The following NEGR1 variants were observed in gnomAD, a reference collection of about 807,000 sequenced individuals.
NEGR1 encodes the protein IgLON family member 4.
In NEGR1, 10 loss-of-function variants were observed where a neutral mutation model predicts 40.9. That is an observed-to-expected ratio of 0.24 (90% CI 0.15 to 0.42). The LOEUF (loss-of-function observed/expected upper bound fraction) is 0.42, where lower values mean the gene tolerates loss of function less well. Among genes scored for constraint, NEGR1 ranks in the 10% least tolerant of loss-of-function variants. NEGR1 has a pLI of 1.00. For missense variants in NEGR1, 352 were observed against 438.9 expected (o/e 0.80, Z 1.77); for synonymous variants, 185 against 166.8 (o/e 1.11, Z -0.84).
chr1:71,709,139 T>C (rs1341327667), intron 3 of NEGR1, among the ~76,000 whole-genome samples: 1 of 152,164 alleles, frequency 6.6e-6, no homozygotes, highest in African/African-American at 2.4e-5. Context: ...GTCAAATGTA[T>C]TTCTGGTTCT....
chr1:71,838,279 C>T (rs1659113561), intron 2 of NEGR1, among the ~76,000 whole-genome samples: 1 of 152,110 alleles, frequency 6.6e-6, no homozygotes, highest in Non-Finnish European at 1.5e-5. Context: ...TGCCACATGG[C>T]TCAAATGCAG....
At chr1:71,515,672 A>C (rs1647117221) in intron 6 of NEGR1, among the ~76,000 whole-genome samples, 1 of 128,944 alleles carries the variant, frequency 7.8e-6, no homozygotes, top group South Asian at 2.8e-4. Context: ...TGAACTAATG[A>C]GCAAAATAAC....
chr1:71,918,690 A>C (rs1661674610), intron 2 of NEGR1, among the ~76,000 whole-genome samples: 1 of 152,116 alleles, frequency 6.6e-6, no homozygotes, highest in South Asian at 2.1e-4. Flanking sequence ...TGCCAAAAAA[A>C]AAAAAATCGA....
chr1:71,805,131 T>C (rs1039192575), intron 2 of NEGR1, among the ~76,000 whole-genome samples: 7 of 152,134 alleles, frequency 4.6e-5, no homozygotes, highest in Non-Finnish European at 8.8e-5. Context: ...TAAATTTTGG[T>C]CAGACCAGTT....
chr1:71,807,784 A>G lies in NEGR1; in HGVS notation c.410-31487T>C, dbSNP rs746371529. On this transcript the variant is annotated intron_variant, in intron 2 of 6. Coordinates refer to ENST00000357731, the MANE Select transcript of NEGR1 (RefSeq NM_173808.3). ...CTACCTGAGTAACTTGCACACTACA[A>G]AAGCTCATCTGCAACTGAGAGGGAA... Among the ~76,000 whole-genome samples, 81 of 152,282 alleles carry G rather than the reference A, an allele frequency of 5.3e-4. 1 individual carries two copies. Among genetic ancestry groups the G allele is most frequent in the Middle Eastern group, 3.4e-3 (1 of 294 alleles).
intron 2 of NEGR1, among the ~76,000 whole-genome samples, chr1:71,793,429 A>G (rs912117330): frequency 3.3e-5 from 5 of 149,358 alleles, no homozygotes; most frequent in African/African-American, 1.2e-4. Context: ...TATCAGCAAC[A>G]AATAAATAAC....
intron 6 of NEGR1, among the ~76,000 whole-genome samples, chr1:71,583,797 T>A (rs539409851): frequency 6.6e-6 from 1 of 152,280 alleles, no homozygotes; most frequent in Admixed American, 6.5e-5. Flanking sequence ...TCATTCTAAG[T>A]GGACTGATTA....
intron 1 of NEGR1, among the ~76,000 whole-genome samples, chr1:72,258,572 A>C (rs1655353134): frequency 6.6e-6 from 1 of 152,192 alleles, no homozygotes; most frequent in African/African-American, 2.4e-5. Context: ...TTAGAAAATA[A>C]AATTAGCTAG....
chr1:71,920,149 G>A (rs1645697525), intron 2 of NEGR1, among the ~76,000 whole-genome samples: 1 of 152,148 alleles, frequency 6.6e-6, no homozygotes, highest in African/African-American at 2.4e-5. Flanking sequence ...CCGAGGAGCT[G>A]TACATTTGAG....
intron 1 of NEGR1, among the ~76,000 whole-genome samples, chr1:72,232,841 C>A (rs929558060): frequency 6.6e-6 from 1 of 152,068 alleles, no homozygotes; most frequent in African/African-American, 2.4e-5. Context: ...ATTATGTAAC[C>A]TCCTCAGAGC....
At chr1:71,938,979 A>T (rs1476206773) in intron 1 of NEGR1, among the ~76,000 whole-genome samples, 1 of 152,090 alleles carries the variant, frequency 6.6e-6, no homozygotes, top group Non-Finnish European at 1.5e-5. Context: ...TTTAATTCAT[A>T]AGAAAATTTA....
At chr1:71,981,507 G>A (rs1646354214) in intron 1 of NEGR1, among the ~76,000 whole-genome samples, 1 of 152,126 alleles carries the variant, frequency 6.6e-6, no homozygotes, top group Admixed American at 6.6e-5. Context: ...TGTGCATAGT[G>A]GATGGGAATG....
intron 2 of NEGR1, among the ~76,000 whole-genome samples, chr1:71,785,580 C>G (rs940458211): frequency 6.6e-6 from 1 of 152,108 alleles, no homozygotes; most frequent in African/African-American, 2.4e-5. Context: ...AGTTACTATT[C>G]CCATAAACCT....
chr1:71,901,340 C>T (rs1449655067), intron 2 of NEGR1, among the ~76,000 whole-genome samples: 1 of 152,132 alleles, frequency 6.6e-6, no homozygotes, highest in Non-Finnish European at 1.5e-5. Flanking sequence ...CACATTCGTA[C>T]AATTATTACT....
chr1:71,790,730 G>A (rs572672311), intron 2 of NEGR1, among the ~76,000 whole-genome samples: 1 of 152,210 alleles, frequency 6.6e-6, no homozygotes, highest in East Asian at 1.9e-4. Context: ...AGACCAGTGG[G>A]ATTAGAAATG....
Position 71,682,559 on chromosome 1 carries a change from G to A in NEGR1, c.667+15449C>T, listed in dbSNP as rs192571062. Among the ~76,000 whole-genome samples the A allele has an allele frequency of 1.1e-3, 164 of 152,128 alleles. 1 individual carries two copies. Among genetic ancestry groups the A allele is most frequent in the African/African-American group, 3.9e-3 (160 of 41,522 alleles). ...TTTATGAGGTTTTTGTTTTTGTTTT[G>A]TTTTGTGAGTTTCTTGCAGATTTCA... On this transcript the variant is annotated intron_variant, in intron 4 of 6. Coordinates refer to ENST00000357731, the MANE Select transcript of NEGR1 (RefSeq NM_173808.3).
At chr1:71,954,172 G>T (rs1488014542) in intron 1 of NEGR1, among the ~76,000 whole-genome samples, 1 of 151,908 alleles carries the variant, frequency 6.6e-6, no homozygotes, top group Admixed American at 6.6e-5. Context: ...GTTCTCAGCA[G>T]GGGACACCAA....
intron 1 of NEGR1, among the ~76,000 whole-genome samples, chr1:72,030,756 C>T (rs907542558): frequency 1.3e-5 from 2 of 152,104 alleles, no homozygotes; most frequent in African/African-American, 4.8e-5. Context: ...ATTTTCAAGT[C>T]ATTAGGATTA....
intron 1 of NEGR1, among the ~76,000 whole-genome samples, chr1:72,009,527 A>G (rs555948770): frequency 5.3e-4 from 81 of 151,752 alleles, no homozygotes; most frequent in Non-Finnish European, 1.1e-3. Flanking sequence ...TCTTAAGATA[A>G]AAAAAAATAC....
Sources: allele counts gnomAD v4.1 joint callset (sites outside exome capture counted in the v4.1 genomes callset), GRCh38; gene constraint gnomAD v4.1.1; transcripts MANE v1.5; gene names NCBI Gene and HGNC (gene_info 2026-07-23, HGNC 2026-07-21).